ZFAND5: variants seen among roughly 807,000 people sequenced by gnomAD.
The protein encoded by ZFAND5 is zinc finger AN1-type containing 5.
A neutral mutation model predicts 23.6 loss-of-function variants in ZFAND5; 4 were observed. The observed-to-expected ratio is 0.17, with a 90% CI of 0.08 to 0.39. The LOEUF is 0.39. Ranked by LOEUF, ZFAND5 falls within the 10% of genes least tolerant of loss-of-function variation. The probability of loss-of-function intolerance (pLI) is 1.00; values close to 1 mark genes in which losing one functional copy is unlikely to be tolerated. For synonymous variants in ZFAND5, 68 were observed against 80.6 expected (o/e 0.84, Z 0.84); for missense variants, 161 against 253.7 (o/e 0.63, Z 2.48).
intron 5 of ZFAND5, 98 bp from the exon 6 acceptor site, chr9:72,357,154 A>G (rs767357808): frequency 7.1e-7 from 1 of 1,413,306 alleles, no homozygotes; most frequent in Non-Finnish European, 9.6e-7. Context: ...GATGCCTGAT[A>G]AAAATGTTTA....
Position 72,364,715 on chromosome 9 carries a change from G to A in ZFAND5, c.-166C>T, listed in dbSNP as rs1188925375. 1.4e-5 allele frequency: 12 copies of A among 844,598 alleles called. No individual in the cohort carries two copies. The Admixed American group carries it at 1.8e-4, about 13-fold the overall frequency. The allele number at this position is 844,598 out of a possible 1,614,324, so 52.3% of individuals were successfully genotyped here. A position where few individuals can be genotyped will look rare whatever the true frequency, so the allele number is the denominator to read the frequency against. On this transcript the variant is annotated 5_prime_UTR_variant, in exon 1 of 7. Transcript: ENST00000376962. ...ACTCACCCTGCAGGGTCCCAAATGC[G>A]AAAGCCGGGTTCGCGCGCGAAGCCG...
At chr9:72,360,977 C>CAA (rs71357559) in intron 2 of ZFAND5, among the ~76,000 whole-genome samples, 190 bp from the exon 3 acceptor site, 7,679 of 149,658 alleles carry the variant, frequency 0.051, 259 homozygotes, top group Middle Eastern at 0.12. Context: ...GTTTTAGGAC[C>CAA]AAAAAAAAAC....
intron 2 of ZFAND5, among the ~76,000 whole-genome samples, chr9:72,361,751 C>T (rs1842110229): frequency 6.6e-6 from 1 of 152,176 alleles, no homozygotes; most frequent in African/African-American, 2.4e-5. Flanking sequence ...AATAAGTTTT[C>T]CTCTGGATGA....
chr9:72,360,527 T>G (rs753903895), intron 3 of ZFAND5, 101 bp downstream of exon 3: 28 of 1,491,106 alleles, frequency 1.9e-5, no homozygotes, highest in Non-Finnish European at 2.5e-5. Context: ...TCTTATCAGG[T>G]GTTCTCTCCA....
rs1304946968 is a variant in ZFAND5, at chr9:72,353,941, CCA to C, written c.*2010_*2011del. ...CAGATAAAACTAGGGTATTTCCACC[CCA>C]AACTCCATCACAGAGAAGCAACAGT... On this transcript the variant is annotated 3_prime_UTR_variant, in exon 7 of 7. Coordinates refer to ENST00000376962, the MANE Select transcript of ZFAND5 (RefSeq NM_001102420.3). 1 of 151,832 alleles carries C rather than the reference CCA, an allele frequency of 6.6e-6. No individual in the cohort carries two copies. The highest frequency in any genetic ancestry group is 2.4e-5 in the African/African-American group (1 of 41,340). The allele number at this position is 151,832 out of a possible 1,614,324, so 9.4% of individuals were successfully genotyped here. A position where few individuals can be genotyped will look rare whatever the true frequency, so the allele number is the denominator to read the frequency against.
rs910667947 is a variant in ZFAND5 at position 72,354,018 on chromosome 9, C to A, written c.*1935G>T. 6 of 152,164 alleles carry A rather than the reference C, an allele frequency of 3.9e-5. No individual in the cohort carries two copies. Among genetic ancestry groups the A allele is most frequent in the African/African-American group, 1.4e-4 (6 of 41,430 alleles). 9.4% of individuals were successfully genotyped at this position (152,164 alleles called of 1,614,324 possible). On this transcript the variant is annotated 3_prime_UTR_variant, in exon 7 of 7. Coordinates refer to ENST00000376962, the MANE Select transcript of ZFAND5 (RefSeq NM_001102420.3). ...AGGTAAAGTCAACATGTACCTGTCA[C>A]CCCTTGTTCTTTATGATCTGGCATA...
chr9:72,357,601 T>C (rs978610741), intron 5 of ZFAND5, among the ~76,000 whole-genome samples: 4 of 152,130 alleles, frequency 2.6e-5, no homozygotes, highest in Non-Finnish European at 4.4e-5. Context: ...AAAACAATCA[T>C]TTTACCATTT....
intron 2 of ZFAND5, 70 bp from the exon 3 acceptor site, chr9:72,360,857 A>G: frequency 7.1e-7 from 1 of 1,401,958 alleles, no homozygotes; most frequent in Non-Finnish European, 9.5e-7. Flanking sequence ...TCATCGGTAT[A>G]CCGTTGTAAT....
chr9:72,356,822 GCTTT>G, intron 6 of ZFAND5, 105 bp downstream of exon 6: 1 of 911,100 alleles, frequency 1.1e-6, no homozygotes, highest in Non-Finnish European at 1.5e-6. Context: ...AGCTAGTCAG[GCTTT>G]TTTTTTTTTT....
At position 72,352,288 on chromosome 9, in the gene ZFAND5, G is replaced by C. The variant is rs1166597720; in HGVS notation, c.*3665C>G. 1 of 152,152 alleles carries C rather than the reference G, an allele frequency of 6.6e-6. No individual in the cohort carries two copies. The highest frequency in any genetic ancestry group is 1.5e-5 in the Non-Finnish European group (1 of 68,052). The allele number at this position is 152,152 out of a possible 1,614,324, so 9.4% of individuals were successfully genotyped here. A position where few individuals can be genotyped will look rare whatever the true frequency, so the allele number is the denominator to read the frequency against. The stretch of plus-strand genomic sequence containing the variant: ...AGACCATGCCATTTTACTCCAGCCT[G>C]GGCGACGGAGCCTCTGTCTCAAACA... On this transcript the variant is annotated 3_prime_UTR_variant, in exon 7 of 7. Coordinates refer to ENST00000376962, the MANE Select transcript of ZFAND5 (RefSeq NM_001102420.3).
chr9:72,364,287 CGA>C, intron 1 of ZFAND5: 1 of 682,154 alleles, frequency 1.5e-6, no homozygotes, highest in Non-Finnish European at 2.0e-6. Context: ...CCCCCGACCC[CGA>C]ACGGCTCCTC....
At position 72,360,134 on chromosome 9, in the gene ZFAND5, G is replaced by A; in HGVS notation, c.239C>T (p.Ala80Val). The change falls in exon 4 of 7, where the codon GCT (alanine) becomes GTT (valine). Residue 80 changes from alanine (A) to valine (V), a missense_variant. Physicochemically the swap from Ala to Val is moderately conservative, Grantham distance 64. Around this residue, in one of 3 missense-constraint regions of ZFAND5, gnomAD observed 116 missense variants for 115.2 expected, o/e 1.01. Transcript: ENST00000376962. The stretch of plus-strand genomic sequence containing the variant: ...CCTTGATTTTTCAGATGTGCTGCCA[G>A]CAGCACCTTCACAGTTGTTTAAGCT... ...DTSLNNCEGA[A>V]GSTSEKSRNV... is the part of the protein sequence containing the mutation. The A allele has an allele frequency of 6.2e-7, 1 of 1,611,664 alleles. No individual in the cohort carries two copies. Among genetic ancestry groups the A allele is most frequent in the Non-Finnish European group, 8.5e-7 (1 of 1,179,054 alleles).
At chr9:72,363,382 C>CA (rs1255844539) in intron 2 of ZFAND5, 88 bp downstream of exon 2, 1 of 152,798 alleles carries the variant, frequency 6.5e-6, no homozygotes, top group African/African-American at 2.4e-5. Context: ...TCTCCAATTC[C>CA]AATTCTGAAC....
At chr9:72,358,391 A>G (rs1428455256) in intron 5 of ZFAND5, among the ~76,000 whole-genome samples, 1 of 152,102 alleles carries the variant, frequency 6.6e-6, no homozygotes, top group Non-Finnish European at 1.5e-5. Context: ...AGAAGGGGGA[A>G]TAAGAAAATG....
In ZFAND5 at chr9:72,353,387, A is replaced by C. The variant is rs971393323; in HGVS notation, c.*2566T>G. The C allele has an allele frequency of 3.3e-5, 5 of 152,202 alleles. No individual in the cohort carries two copies. Among genetic ancestry groups the C allele is most frequent in the African/African-American group, 1.2e-4 (5 of 41,424 alleles). The allele number at this position is 152,202 out of a possible 1,614,324, so 9.4% of individuals were successfully genotyped here. ...AACAAACAAAAAAAAAACAAAAAAA[A>C]CTGATTGGCCGGGTGCGGTGCCTCA... On this transcript the variant is annotated 3_prime_UTR_variant, in exon 7 of 7. Coordinates refer to ENST00000376962, the MANE Select transcript of ZFAND5 (RefSeq NM_001102420.3).
In ZFAND5 at chr9:72,352,737, C is replaced by T. The variant is rs905661025; in HGVS notation, c.*3216G>A. The T allele has an allele frequency of 2.0e-5, 3 of 152,196 alleles. No individual in the cohort carries two copies. Among genetic ancestry groups the T allele is most frequent in the Admixed American group, 6.5e-5 (1 of 15,280 alleles). 9.4% of individuals were successfully genotyped at this position (152,196 alleles called of 1,614,324 possible). ...TAACCAATCCTGTTCTCAAAGTTTT[C>T]TTCCCAAGTTATGGAAACCATTATT... On this transcript the variant is annotated 3_prime_UTR_variant, in exon 7 of 7. Coordinates refer to ENST00000376962, the MANE Select transcript of ZFAND5 (RefSeq NM_001102420.3).
intron 5 of ZFAND5, 90 bp from the exon 6 acceptor site, chr9:72,357,146 T>C (rs1841966823): frequency 6.8e-7 from 1 of 1,472,620 alleles, no homozygotes; most frequent in African/African-American, 1.4e-5. Flanking sequence ...AACAGGAAGA[T>C]GCCTGATAAA....
At position 72,352,960 on chromosome 9, in the gene ZFAND5, A is replaced by G. The variant is rs1288066181; in HGVS notation, c.*2993T>C. 1 of 152,248 alleles carries G rather than the reference A, an allele frequency of 6.6e-6. No individual in the cohort carries two copies. Among genetic ancestry groups the G allele is most frequent in the Non-Finnish European group, 1.5e-5 (1 of 68,054 alleles). The allele number at this position is 152,248 out of a possible 1,614,324, so 9.4% of individuals were successfully genotyped here. Reference sequence around the variant, plus strand: ...TCACTATGCCATAATGCTCAGAAACAGCTTTCCCTCACAAACTAATTTTCC... The same window carrying G: ...TCACTATGCCATAATGCTCAGAAACGGCTTTCCCTCACAAACTAATTTTCC... On this transcript the variant is annotated 3_prime_UTR_variant, in exon 7 of 7. Transcript: ENST00000376962.
chr9:72,358,621 C>T (rs1170869467), intron 5 of ZFAND5, among the ~76,000 whole-genome samples: 1 of 152,056 alleles, frequency 6.6e-6, no homozygotes, highest in Non-Finnish European at 1.5e-5. Flanking sequence ...GATTCACCTG[C>T]CAAACTTGAG....
Sources: allele counts gnomAD v4.1 joint callset (sites outside exome capture counted in the v4.1 genomes callset), GRCh38; gene constraint gnomAD v4.1.1; regional missense constraint gnomAD v4.1.1; transcripts MANE v1.5; gene names NCBI Gene and HGNC (gene_info 2026-07-23, HGNC 2026-07-21).